CNTN4: variants seen among roughly 807,000 people sequenced by gnomAD.
CNTN4 encodes contactin 4.
In CNTN4, 77 loss-of-function variants were observed where a neutral mutation model predicts 122.5. The ratio of observed to expected loss-of-function variants is 0.63; its 90% CI spans 0.52 to 0.76. The LOEUF (loss-of-function observed/expected upper bound fraction) is 0.76, where lower values mean the gene tolerates loss of function less well. CNTN4 is among the 30% of genes least tolerant of loss of function. The probability of loss-of-function intolerance (pLI) is 0.00; values close to 1 mark genes in which losing one functional copy is unlikely to be tolerated. For missense variants in CNTN4, 1,256 were observed against 1,259.1 expected (o/e 1.00, Z 0.04); for synonymous variants, 512 against 447.0 (o/e 1.15, Z -1.83).
intron 4 of CNTN4, among the ~76,000 whole-genome samples, chr3:2,632,094 A>G (rs1048656055): frequency 4.8e-4 from 66 of 136,646 alleles, no homozygotes; most frequent in East Asian, 4.0e-3. Flanking sequence ...ACGTGTGTGT[A>G]TGTATGTATG....
intron 3 of CNTN4, among the ~76,000 whole-genome samples, chr3:2,539,871 T>G (rs1387083287): frequency 6.6e-6 from 1 of 152,104 alleles, no homozygotes; most frequent in Non-Finnish European, 1.5e-5. Flanking sequence ...AAATGCTGCT[T>G]TGCATACTAT....
intron 3 of CNTN4, among the ~76,000 whole-genome samples, chr3:2,502,518 T>C (rs1050224792): frequency 6.6e-6 from 1 of 152,268 alleles, no homozygotes; most frequent in Middle Eastern, 3.4e-3. Context: ...GGCTCCTGTC[T>C]CTATGCCTTC....
intron 2 of CNTN4, among the ~76,000 whole-genome samples, chr3:2,319,375 A>T (rs1198506022): frequency 6.6e-6 from 1 of 152,150 alleles, no homozygotes; most frequent in Non-Finnish European, 1.5e-5. Flanking sequence ...TTAACCCTTG[A>T]ACAACGTTAG....
chr3:3,014,499 C>A (rs1697554145), intron 14 of CNTN4, among the ~76,000 whole-genome samples: 1 of 151,826 alleles, frequency 6.6e-6, no homozygotes, highest in Admixed American at 6.6e-5. Context: ...ATCATAAAAA[C>A]CAAAAGGTGG....
At chr3:2,898,293 A>G (rs1577199272) in intron 10 of CNTN4, among the ~76,000 whole-genome samples, 1 of 152,186 alleles carries the variant, frequency 6.6e-6, no homozygotes, top group Non-Finnish European at 1.5e-5. Flanking sequence ...TATCAGTTCA[A>G]ATTTGTCTTC....
At chr3:2,478,306 A>G (rs1169304883) in intron 3 of CNTN4, among the ~76,000 whole-genome samples, 1 of 152,150 alleles carries the variant, frequency 6.6e-6, no homozygotes, top group African/African-American at 2.4e-5. Context: ...GCTCTTTTAT[A>G]GTGTGTATGA....
At chr3:2,589,106 A>G (rs935523818) in intron 4 of CNTN4, among the ~76,000 whole-genome samples, 2 of 152,298 alleles carry the variant, frequency 1.3e-5, no homozygotes, top group East Asian at 1.9e-4. Flanking sequence ...AATGAGTGAC[A>G]TAAAGGGGCC....
At chr3:2,271,390 A>C (rs1174340324) in intron 2 of CNTN4, among the ~76,000 whole-genome samples, 2 of 152,138 alleles carry the variant, frequency 1.3e-5, no homozygotes, top group Non-Finnish European at 2.9e-5. Context: ...TATTATTTTA[A>C]AGATAATTAC....
intron 2 of CNTN4, among the ~76,000 whole-genome samples, chr3:2,300,270 A>G (rs761586235): frequency 3.9e-5 from 6 of 152,154 alleles, no homozygotes; most frequent in Non-Finnish European, 7.4e-5. Context: ...TTAAAAATCT[A>G]TTTTTAATTA....
intron 3 of CNTN4, among the ~76,000 whole-genome samples, chr3:2,447,240 G>A (rs1163517820): frequency 1.3e-5 from 2 of 152,044 alleles, no homozygotes; most frequent in African/African-American, 2.4e-5. Flanking sequence ...AGGAGCCTAA[G>A]CATATTGCCA....
intron 2 of CNTN4, among the ~76,000 whole-genome samples, chr3:2,218,649 T>C (rs2038945168): frequency 6.6e-6 from 1 of 152,242 alleles, no homozygotes; most frequent in Non-Finnish European, 1.5e-5. Flanking sequence ...CAGCTGTCTA[T>C]ATGTTATTCT....
chr3:2,487,218 A>G (rs1016396924), intron 3 of CNTN4, among the ~76,000 whole-genome samples: 3 of 152,244 alleles, frequency 2.0e-5, no homozygotes, highest in African/African-American at 4.8e-5. Flanking sequence ...TTTAGTGTAT[A>G]TAAACATATC....
intron 13 of CNTN4, among the ~76,000 whole-genome samples, chr3:2,944,657 C>A (rs1326656082): frequency 6.6e-6 from 1 of 152,166 alleles, no homozygotes; most frequent in East Asian, 1.9e-4. Flanking sequence ...CTTTATTTAA[C>A]AAATATTTGA....
chr3:2,931,069 T>C (rs1219989677), intron 13 of CNTN4, among the ~76,000 whole-genome samples: 2 of 152,214 alleles, frequency 1.3e-5, no homozygotes, highest in African/African-American at 2.4e-5. Flanking sequence ...TGCAGTCATA[T>C]GCATGCTACA....
intron 2 of CNTN4, among the ~76,000 whole-genome samples, chr3:2,287,714 A>AGAG (rs1314336661): frequency 1.1e-3 from 63 of 58,384 alleles, no homozygotes; most frequent in South Asian, 1.5e-3. Flanking sequence ...AAGAAGAGGA[A>AGAG]GAAGAAGAAG....
chr3:2,850,730 A>G (rs1159003536), intron 7 of CNTN4, among the ~76,000 whole-genome samples: 1 of 152,232 alleles, frequency 6.6e-6, no homozygotes, highest in Admixed American at 6.5e-5. Flanking sequence ...GAGAAAAGTC[A>G]TTACCTATGC....
chr3:2,271,247 C>G (rs1345582120), intron 2 of CNTN4, among the ~76,000 whole-genome samples: 2 of 151,998 alleles, frequency 1.3e-5, no homozygotes, highest in African/African-American at 4.8e-5. Flanking sequence ...CCATAAAGAT[C>G]ATTTTGTTAT....
intron 2 of CNTN4, among the ~76,000 whole-genome samples, chr3:2,324,198 C>T (rs138038664): frequency 4.2e-4 from 64 of 152,186 alleles, no homozygotes; most frequent in African/African-American, 1.4e-3. Context: ...CATGAAATCC[C>T]AGGGGCAGGG....
Position 2,421,790 on chromosome 3 carries a change from T to C in CNTN4, c.-89+82557T>C, listed in dbSNP as rs1164045238. Among the ~76,000 whole-genome samples the C allele has an allele frequency of 4.6e-5, 7 of 152,324 alleles. No individual in the cohort carries two copies. The East Asian group carries it at 1.3e-3, about 29-fold the overall frequency. ...TTGTTAGAAAAAATGCTAAGTACTT[T>C]ACAATATTTCTCTGCAATAAAACTC... is the stretch of plus-strand genomic sequence containing the variant. On this transcript the variant is annotated intron_variant, in intron 3 of 24. Transcript: ENST00000418658.
Sources: gnomAD v4.1 joint callset for allele counts (sites outside exome capture counted in the v4.1 genomes callset) on GRCh38, gnomAD v4.1.1 for gene constraint, MANE v1.5 for transcripts, NCBI Gene and HGNC (gene_info 2026-07-23, HGNC 2026-07-21) for gene names.